Variants in TSPAN15 observed in about 807,000 individuals in gnomAD.
TSPAN15 encodes tetraspanin-15.
In TSPAN15, 20 loss-of-function variants were observed where a neutral mutation model predicts 34.5. The observed-to-expected ratio is 0.58, with a 90% confidence interval of 0.41 to 0.84. TSPAN15 has a LOEUF of 0.84. TSPAN15 is among the 40% of genes least tolerant of loss of function. TSPAN15 has a pLI of 0.00. For synonymous variants in TSPAN15, 155 were observed against 153.9 expected (o/e 1.01, Z -0.05); for missense variants, 313 against 386.1 (o/e 0.81, Z 1.59).
the TSPAN15 span, among the ~76,000 whole-genome samples, chr10:69,531,100 G>T: frequency 6.9e-6 from 1 of 145,696 alleles, no homozygotes; most frequent in Non-Finnish European, 1.5e-5. Flanking sequence ...ATGAAGTAAA[G>T]AGCTGATCTA....
At chr10:69,475,536 GCCATCCCCACTCCCAC>G (rs1333424137) in intron 1 of TSPAN15, among the ~76,000 whole-genome samples, 1 of 152,158 alleles carries the variant, frequency 6.6e-6, no homozygotes, top group East Asian at 1.9e-4. Flanking sequence ...CCCAGGGCAT[GCCATCCCCACTCCCAC>G]CCTGTGCTTC....
chr10:69,546,725 C>T, the TSPAN15 span, among the ~76,000 whole-genome samples: 1 of 152,212 alleles, frequency 6.6e-6, no homozygotes, highest in East Asian at 1.9e-4. Flanking sequence ...TCCTCATCTA[C>T]TAAGTCTCCA....
intron 1 of TSPAN15, 108 bp from the exon 2 acceptor site, chr10:69,483,583 C>A: frequency 1.6e-6 from 2 of 1,253,950 alleles, no homozygotes; most frequent in South Asian, 3.1e-5. Flanking sequence ...TGTGCTGTAA[C>A]CTGGGGCAAG....
At chr10:69,505,985 T>C in intron 6 of TSPAN15, 139 bp from the exon 7 acceptor site, 1 of 654,970 alleles carries the variant, frequency 1.5e-6, no homozygotes, top group South Asian at 1.9e-5. Context: ...TAGGGTCACC[T>C]TCTCATGCTG....
the TSPAN15 span, among the ~76,000 whole-genome samples, chr10:69,525,654 C>G: frequency 6.8e-6 from 1 of 146,080 alleles, no homozygotes; most frequent in Non-Finnish European, 1.5e-5. Flanking sequence ...AACCCCGTCT[C>G]TACTAAAAAT....
At chr10:69,535,651 C>T in the TSPAN15 span, among the ~76,000 whole-genome samples, 2 of 152,192 alleles carry the variant, frequency 1.3e-5, no homozygotes, top group Non-Finnish European at 2.9e-5. Flanking sequence ...TGTCTAGGGC[C>T]AGCTTTCTGC....
the TSPAN15 span, among the ~76,000 whole-genome samples, chr10:69,536,601 GTC>G: frequency 6.6e-6 from 1 of 152,116 alleles, no homozygotes; most frequent in Non-Finnish European, 1.5e-5. Flanking sequence ...TTCTCCTGAG[GTC>G]TCTCTCCTTG....
rs750808965 is a variant in TSPAN15, at chr10:69,504,537, C to G, written c.618+52C>G. On this transcript the variant is annotated intron_variant, in intron 6 of 7. Transcript: ENST00000373290. ...GGAAATGTTGCTCTTCCTGGTCCAC[C>G]CTGGGGTGATCGGAGGGGTTTATTG... 3.8e-6 allele frequency: 6 copies of G among 1,590,748 alleles called. No individual in the cohort carries two copies. In the Admixed American group the frequency reaches 6.7e-5, roughly 18 times the overall value.
At chr10:69,507,707 G>C, downstream of TSPAN15, 4 of 1,215,338 alleles carry the variant, frequency 3.3e-6, no homozygotes, top group Non-Finnish European at 4.2e-6. Context: ...TGGGGCGGGG[G>C]TAAGGAAGGC....
At chr10:69,521,613 A>C in the TSPAN15 span, among the ~76,000 whole-genome samples, 1 of 148,044 alleles carries the variant, frequency 6.8e-6, no homozygotes, top group African/African-American at 2.5e-5. Flanking sequence ...AATAAATACA[A>C]TTAAAAATAA....
At chr10:69,520,604 C>T in the TSPAN15 span, among the ~76,000 whole-genome samples, 2 of 152,070 alleles carry the variant, frequency 1.3e-5, no homozygotes, top group African/African-American at 2.4e-5. Context: ...TGTAGTGAGC[C>T]GAGATTGCAT....
intron 1 of TSPAN15, among the ~76,000 whole-genome samples, chr10:69,468,972 G>A (rs1040699125): frequency 7.1e-6 from 1 of 141,266 alleles, no homozygotes; most frequent in African/African-American, 2.6e-5. Flanking sequence ...AGTTTACGCT[G>A]ATGCGATGAC....
the TSPAN15 span, among the ~76,000 whole-genome samples, chr10:69,521,172 G>A: frequency 2.0e-5 from 3 of 152,134 alleles, no homozygotes; most frequent in South Asian, 2.1e-4. Flanking sequence ...CTTCCCCAGC[G>A]TGGGCAGGCA....
intron 1 of TSPAN15, among the ~76,000 whole-genome samples, chr10:69,465,053 GCCCTGT>G (rs1390695430): frequency 1.3e-5 from 2 of 152,246 alleles, no homozygotes; most frequent in African/African-American, 4.8e-5. Context: ...AGATGAACCA[GCCCTGT>G]CCCTGTCCCC....
Position 69,483,755 on chromosome 10 carries a change from C to A in TSPAN15, c.161C>A (p.Thr54Asn). Residue 54 changes from threonine (T) to asparagine (N), a missense_variant, in exon 2 of 8, where the codon ACC (threonine) becomes AAC (asparagine). Transcript: ENST00000373290. Reference sequence around the variant, plus strand: ...GAGGTTGAGCGGCAGAAATATAAAACCCTTGAAAGTGCCTTCCTGGCTCCA... The same window carrying A: ...GAGGTTGAGCGGCAGAAATATAAAAACCTTGAAAGTGCCTTCCTGGCTCCA... Reference protein sequence around the residue: ...YAEVERQKYKTLESAFLAPAI... With the variant: ...YAEVERQKYKNLESAFLAPAI... 1 of 1,614,192 alleles carries A rather than the reference C, an allele frequency of 6.2e-7. No homozygotes were observed. Among genetic ancestry groups the A allele is most frequent in the Non-Finnish European group, 8.5e-7 (1 of 1,180,034 alleles).
chr10:69,536,949 A>G, the TSPAN15 span, among the ~76,000 whole-genome samples: 7 of 150,138 alleles, frequency 4.7e-5, no homozygotes, highest in Non-Finnish European at 1.0e-4. Context: ...ATGCCACTGC[A>G]CTCCAGCCTG....
rs1353617730 is a variant in TSPAN15, at chr10:69,498,409, C to G, written c.570+13C>G. The G allele has an allele frequency of 1.2e-6, 2 of 1,607,876 alleles. No homozygotes were observed. The highest frequency in any genetic ancestry group is 2.2e-5 in the South Asian group (2 of 90,920). On this transcript the variant is annotated intron_variant, in intron 5 of 7. Transcript: ENST00000373290. ...CATCAGGAACACGGTAGACACTGCT[C>G]CTGTGGGGACTGGGGGGCTGTCGGG... is the stretch of plus-strand genomic sequence containing the variant.
chr10:69,506,651 G>A lies in TSPAN15; in HGVS notation c.736-178G>A, dbSNP rs889911452. On this transcript the variant is annotated intron_variant, in intron 7 of 7. Transcript: ENST00000373290. This position sits in a 1 kb window ranked among gnomAD's most constrained non-coding sequence, Gnocchi z 4.7. ...CCTGGGAAGGGGAGAGGGGGCCCAG[G>A]TGGGAGCTTCTTGGGCAGTGTGGGT... is the stretch of plus-strand genomic sequence containing the variant. 2.6e-5 allele frequency among the ~76,000 whole-genome samples: 4 copies of A among 152,188 alleles called. No homozygotes were observed. Among genetic ancestry groups the A allele is most frequent in the Non-Finnish European group, 4.4e-5 (3 of 68,028 alleles).
At chr10:69,495,730 T>G in intron 4 of TSPAN15, 41 bp downstream of exon 4, 1 of 1,404,966 alleles carries the variant, frequency 7.1e-7, no homozygotes, top group Non-Finnish European at 1.0e-6. Context: ...CCTCCCGTGC[T>G]CTTAGCCCCC....
Sources: gnomAD v4.1 joint callset for allele counts (sites outside exome capture counted in the v4.1 genomes callset) on GRCh38, gnomAD v4.1.1 for gene constraint, Gnocchi (gnomAD v3.1) non-coding constraint, MANE v1.5 for transcripts, NCBI Gene and HGNC (gene_info 2026-07-23, HGNC 2026-07-21) for gene names.